Variants in METTL16 observed in about 807,000 individuals in gnomAD.
The protein encoded by METTL16 is methyltransferase 16, RNA N6-adenosine.
A neutral mutation model predicts 57.9 loss-of-function variants in METTL16; 19 were observed. That is an observed-to-expected ratio of 0.33 (90% CI 0.23 to 0.48). The LOEUF is 0.48. Ranked by LOEUF, METTL16 falls within the 20% of genes least tolerant of loss-of-function variation. METTL16 has a pLI of 0.99. For synonymous variants in METTL16, 246 were observed against 255.6 expected (o/e 0.96, Z 0.36); for missense variants, 434 against 691.5 (o/e 0.63, Z 4.18).
chr17:2,441,426 G>T, intron 7 of METTL16, 64 bp downstream of exon 7: 1 of 1,192,946 alleles, frequency 8.4e-7, no homozygotes, highest in Non-Finnish European at 1.2e-6. Flanking sequence ...TAGCAAAACT[G>T]TACTTGTGCC....
rs375276104 is a variant in METTL16 at position 2,420,788 on chromosome 17, C to T, written c.1005G>A (p.Thr335=). The T allele has an allele frequency of 3.0e-5, 49 of 1,614,082 alleles. No individual in the cohort carries two copies. The highest frequency in any genetic ancestry group is 1.9e-4 in the South Asian group (17 of 91,086). ...SLKASPLRSE[T]AEGIVVVTTW... The stretch of plus-strand genomic sequence containing the variant: ...TCGTGACAACGACTATGCCTTCCGC[C>T]GTCTCCGAGCGCAGAGGTGATGCTT... The change falls in exon 9 of 10, where the codon ACG becomes ACA. Residue 335 remains threonine, a synonymous_variant. Transcript: ENST00000263092. This position sits in a 1 kb window ranked among gnomAD's most constrained non-coding sequence, Gnocchi z 5.4.
chr17:2,504,665 T>C (rs1452277624), intron 1 of METTL16, among the ~76,000 whole-genome samples: 2 of 152,122 alleles, frequency 1.3e-5, no homozygotes, highest in African/African-American at 2.4e-5. Flanking sequence ...AAACAGTCCT[T>C]CCACCTCAGC....
intron 6 of METTL16, among the ~76,000 whole-genome samples, chr17:2,459,069 G>A (rs942518767): frequency 2.6e-5 from 4 of 152,172 alleles, no homozygotes; most frequent in Non-Finnish European, 5.9e-5. Context: ...GCCTCCCAAA[G>A]TGTTGGGATT....
At chr17:2,454,979 G>A (rs1397542697) in intron 6 of METTL16, among the ~76,000 whole-genome samples, 1 of 151,848 alleles carries the variant, frequency 6.6e-6, no homozygotes, top group East Asian at 1.9e-4. Context: ...GGAGTGCAGT[G>A]GCGCAATCTT....
In METTL16 at chr17:2,419,884, G is replaced by A; in HGVS notation, c.*86C>T. 1 of 1,491,910 alleles carries A rather than the reference G, an allele frequency of 6.7e-7. No individual in the cohort carries two copies. Among genetic ancestry groups the A allele is most frequent in the Non-Finnish European group, 9.2e-7 (1 of 1,085,530 alleles). 92.4% of individuals were successfully genotyped at this position (1,491,910 alleles called of 1,614,324 possible). On this transcript the variant is annotated 3_prime_UTR_variant, in exon 10 of 10. Coordinates refer to ENST00000263092, the MANE Select transcript of METTL16 (RefSeq NM_024086.4). ...ATAATTCCACATCGTGCTACTAATG[G>A]GCCGCTGGTAGGATTCCTCTTGCCA...
chr17:2,489,514 G>A (rs961989169), intron 2 of METTL16, among the ~76,000 whole-genome samples: 2 of 151,908 alleles, frequency 1.3e-5, no homozygotes, highest in Non-Finnish European at 2.9e-5. Flanking sequence ...AATTAGCCGA[G>A]CGTGGTGGCA....
intron 6 of METTL16, among the ~76,000 whole-genome samples, chr17:2,463,423 A>C (rs1435866141): frequency 6.6e-6 from 1 of 152,182 alleles, no homozygotes; most frequent in African/African-American, 2.4e-5. Context: ...CAGTCTTCGC[A>C]GATTGTAGGA....
intron 6 of METTL16, among the ~76,000 whole-genome samples, chr17:2,459,448 G>A (rs2151560948): frequency 6.6e-6 from 1 of 152,276 alleles, no homozygotes; most frequent in South Asian, 2.1e-4. Flanking sequence ...CCCAGGGGAG[G>A]CGAGGCATCA....
intron 2 of METTL16, among the ~76,000 whole-genome samples, chr17:2,487,358 T>C (rs1456324862): frequency 6.6e-6 from 1 of 152,208 alleles, no homozygotes; most frequent in Non-Finnish European, 1.5e-5. Context: ...AGTGAAGCCC[T>C]GGCACGGATA....
At chr17:2,502,944 A>G (rs2067500538) in intron 1 of METTL16, among the ~76,000 whole-genome samples, 1 of 152,112 alleles carries the variant, frequency 6.6e-6, no homozygotes, top group Admixed American at 6.6e-5. Flanking sequence ...AAACAGAAAC[A>G]ACGAGTGTTC....
chr17:2,420,090 CTTAACGT>C lies in METTL16; in HGVS notation c.1562_1568del (p.Asn521ArgfsTer8). ...CCACTAAGGCATCGTCCACCTCCTT[CTTAACGT>C]TTATCAAACACTTAAACAGGTACTG... On this transcript the variant is annotated frameshift_variant, in exon 10 of 10. Transcript: ENST00000263092. LOFTEE classifies it high-confidence loss of function. This position sits in a 1 kb window ranked among gnomAD's most constrained non-coding sequence, Gnocchi z 5.4. 6.2e-7 allele frequency: 1 copy of C among 1,614,226 alleles called. No homozygotes were observed. The highest frequency in any genetic ancestry group is 1.1e-5 in the South Asian group (1 of 91,080).
At chr17:2,466,845 G>A (rs1191253497) in intron 5 of METTL16, among the ~76,000 whole-genome samples, 8 of 149,210 alleles carry the variant, frequency 5.4e-5, no homozygotes, top group Admixed American at 4.0e-4. Flanking sequence ...CAGGGTTACC[G>A]AGGCTGGAGT....
chr17:2,473,776 T>C, intron 3 of METTL16, 112 bp from the exon 4 acceptor site: 1 of 1,170,216 alleles, frequency 8.5e-7, no homozygotes, highest in African/African-American at 1.5e-5. Context: ...TCTCACTCTG[T>C]CGCCCAGGCT....
At chr17:2,422,294 A>C (rs1597434520) in intron 8 of METTL16, among the ~76,000 whole-genome samples, 1 of 148,772 alleles carries the variant, frequency 6.7e-6, no homozygotes, top group African/African-American at 2.5e-5. Context: ...GTGCCACTGC[A>C]CTCCAGTCTG....
rs2067279590 is a variant in METTL16 at position 2,478,034 on chromosome 17, T to TAC, written c.129-151_129-150dup. 3 of 627,528 alleles carry TAC rather than the reference T, an allele frequency of 4.8e-6. No homozygotes were observed. In the South Asian group the frequency reaches 6.0e-5, roughly 13 times the overall value. The allele number at this position is 627,528 out of a possible 1,614,324, so 38.9% of individuals were successfully genotyped here. ...ACAGAGCACTCATCCCAGTGGCACA[T>TAC]ACACGAGTGTTTCACACAGTCACAG... On this transcript the variant is annotated intron_variant, in intron 2 of 9. Transcript: ENST00000263092.
intron 6 of METTL16, among the ~76,000 whole-genome samples, chr17:2,460,876 A>G (rs1315356813): frequency 1.4e-5 from 2 of 146,402 alleles, no homozygotes; most frequent in Non-Finnish European, 3.0e-5. Flanking sequence ...TAAGAGGGAA[A>G]CTCAGTCTCA....
In METTL16 at chr17:2,416,231, G is replaced by A. The variant is rs974470581; in HGVS notation, c.*3739C>T. 5.9e-5 allele frequency: 9 copies of A among 152,168 alleles called. No homozygotes were observed. The highest frequency in any genetic ancestry group is 2.6e-4 in the Admixed American group (4 of 15,286). 9.4% of individuals were successfully genotyped at this position (152,168 alleles called of 1,614,324 possible). A position where few individuals can be genotyped will look rare whatever the true frequency, so the allele number is the denominator to read the frequency against. ...AAAGGGCCAAGGGTGCCCTCGTGTG[G>A]CCACGGAGGGAAATGCCGCGGCTTC... On this transcript the variant is annotated 3_prime_UTR_variant, in exon 10 of 10. Transcript: ENST00000263092.
chr17:2,487,871 T>C (rs2067355216), intron 2 of METTL16, among the ~76,000 whole-genome samples: 1 of 151,804 alleles, frequency 6.6e-6, no homozygotes, highest in Non-Finnish European at 1.5e-5. Flanking sequence ...CCAGATGTGG[T>C]GGCAGACACC....
chr17:2,494,738 G>A (rs867744655), intron 2 of METTL16, among the ~76,000 whole-genome samples: 9 of 151,884 alleles, frequency 5.9e-5, no homozygotes, highest in Admixed American at 2.0e-4. Context: ...GGTTGCTCAC[G>A]CCTGTAATCC....
Sources: gnomAD v4.1 joint callset for allele counts (sites outside exome capture counted in the v4.1 genomes callset) on GRCh38, gnomAD v4.1.1 for gene constraint, Gnocchi (gnomAD v3.1) non-coding constraint, MANE v1.5 for transcripts, NCBI Gene and HGNC (gene_info 2026-07-23, HGNC 2026-07-21) for gene names.